GRB10: variants seen among roughly 807,000 people sequenced by gnomAD.
GRB10 encodes the protein growth factor receptor-bound protein 10.
GRB10 carries 20 observed loss-of-function variants against 80.9 expected under a neutral mutation model. The observed-to-expected ratio is 0.25, with a 90% CI of 0.17 to 0.36. The LOEUF is 0.36. Ranked by LOEUF, GRB10 falls within the 10% of genes least tolerant of loss-of-function variation. The pLI is 1.00. For synonymous variants in GRB10, 291 were observed against 291.5 expected (o/e 1.00, Z 0.02); for missense variants, 548 against 747.7 (o/e 0.73, Z 3.12).
At chr7:50,627,147 TCCTC>T (rs2153591676) in intron 7 of GRB10, among the ~76,000 whole-genome samples, 169 bp from the exon 8 acceptor site, 1 of 152,196 alleles carries the variant, frequency 6.6e-6, no homozygotes, top group African/African-American at 2.4e-5. Context: ...ATGTGACTCT[TCCTC>T]CCTATCTCCC....
rs375728658 is a variant in GRB10, at chr7:50,710,627, G to A, written c.52-6719C>T. On this transcript the variant is annotated intron_variant, in intron 4 of 18. Coordinates refer to ENST00000401949, the MANE Select transcript of GRB10 (RefSeq NM_001350814.2). The stretch of plus-strand genomic sequence containing the variant: ...AGAGGAGTGCCATCATCAGTGCGGC[G>A]GGCACTGCAGGTGACAAATGGAAGG... Among the ~76,000 whole-genome samples the A allele has an allele frequency of 7.2e-5, 11 of 152,186 alleles. No homozygotes were observed. In the East Asian group the frequency reaches 9.7e-4, roughly 13 times the overall value.
At chr7:50,739,468 T>C (rs534550446) in intron 3 of GRB10, among the ~76,000 whole-genome samples, 18 of 152,332 alleles carry the variant, frequency 1.2e-4, no homozygotes, top group African/African-American at 4.1e-4. Flanking sequence ...AGTAAGCAGA[T>C]GACCAAATGA....
chr7:50,626,024 T>C (rs576097841), intron 8 of GRB10, among the ~76,000 whole-genome samples: 201 of 152,352 alleles, frequency 1.3e-3, no homozygotes, highest in African/African-American at 4.6e-3. Flanking sequence ...AATATAGCTG[T>C]TGATTTAGAG....
At chr7:50,623,183 G>C (rs2299152) in intron 8 of GRB10, among the ~76,000 whole-genome samples, 12,624 of 152,152 alleles carry the variant, frequency 0.083, 798 homozygotes, top group South Asian at 0.13. Flanking sequence ...GCCTGGGTCA[G>C]GGACAGTGTT....
intron 1 of GRB10, among the ~76,000 whole-genome samples, chr7:50,790,457 TG>T (rs2078864074): frequency 6.6e-6 from 1 of 152,210 alleles, no homozygotes; most frequent in Admixed American, 6.5e-5. Context: ...ATTACTCAAA[TG>T]AAAGACAAGG....
At chr7:50,681,032 A>T (rs1207423955) in intron 5 of GRB10, among the ~76,000 whole-genome samples, 1 of 152,166 alleles carries the variant, frequency 6.6e-6, no homozygotes, top group Non-Finnish European at 1.5e-5. Context: ...GCTTTCATAA[A>T]ATCTGTCCTC....
chr7:50,630,201 A>T lies in GRB10; in HGVS notation c.505-3223T>A, dbSNP rs74722295. On this transcript the variant is annotated intron_variant, in intron 7 of 18. Coordinates refer to ENST00000401949, the MANE Select transcript of GRB10 (RefSeq NM_001350814.2). Reference sequence around the variant, plus strand: ...AAGCAAAACACTGCTTAATCAATGTATGGAAGTTCTACATTAGTTATGACC... The same window carrying T: ...AAGCAAAACACTGCTTAATCAATGTTTGGAAGTTCTACATTAGTTATGACC... Among the ~76,000 whole-genome samples the T allele has an allele frequency of 5.1e-4, 78 of 152,334 alleles. 2 individuals carry two copies. The East Asian group carries it at 0.014, about 28-fold the overall frequency.
At chr7:50,742,271 GCACACACA>G (rs55813195) in intron 3 of GRB10, among the ~76,000 whole-genome samples, 1,356 of 46,878 alleles carry the variant, frequency 0.029, 7 homozygotes, top group Non-Finnish European at 0.036. Flanking sequence ...ACGCGCGCGC[GCACACACA>G]CACACACACA....
At chr7:50,749,320 G>A (rs1439565787) in intron 3 of GRB10, among the ~76,000 whole-genome samples, 1 of 151,698 alleles carries the variant, frequency 6.6e-6, no homozygotes, top group Non-Finnish European at 1.5e-5. Context: ...GTAGAAACAG[G>A]GTTTCATCAT....
At chr7:50,785,111 G>A (rs1356068425), upstream of GRB10, among the ~76,000 whole-genome samples, 2 of 152,068 alleles carry the variant, frequency 1.3e-5, no homozygotes, top group African/African-American at 4.8e-5. Flanking sequence ...GCAGCTCCTG[G>A]AGCAGCACCT....
intron 3 of GRB10, among the ~76,000 whole-genome samples, chr7:50,750,079 A>G (rs1470094887): frequency 6.6e-6 from 1 of 152,224 alleles, no homozygotes; most frequent in African/African-American, 2.4e-5. Flanking sequence ...AGAAAAAAGG[A>G]GAACCTATTT....
chr7:50,720,511 G>A (rs2067547457), intron 4 of GRB10, among the ~76,000 whole-genome samples: 1 of 152,162 alleles, frequency 6.6e-6, no homozygotes, highest in Admixed American at 6.5e-5. Flanking sequence ...AAAAGGCCCA[G>A]AGAGCAGAGG....
At chr7:50,774,041 A>G (rs1477918742) in intron 2 of GRB10, among the ~76,000 whole-genome samples, 3 of 152,258 alleles carry the variant, frequency 2.0e-5, no homozygotes, top group Non-Finnish European at 4.4e-5. Flanking sequence ...GGAATGAAGT[A>G]CTAATGCATG....
intron 2 of GRB10, among the ~76,000 whole-genome samples, chr7:50,777,945 AC>A (rs1304063944): frequency 1.3e-5 from 2 of 152,164 alleles, no homozygotes; most frequent in Admixed American, 1.3e-4. Flanking sequence ...GGGAGGGAAA[AC>A]ATCAGGACAA....
intron 3 of GRB10, among the ~76,000 whole-genome samples, chr7:50,755,677 C>A (rs151338877): frequency 1.7e-4 from 26 of 152,240 alleles, no homozygotes; most frequent in Middle Eastern, 3.4e-3. Flanking sequence ...CCCGACTCAG[C>A]CCGGTGTTCC....
At chr7:50,692,981 A>C (rs1373724964) in intron 5 of GRB10, among the ~76,000 whole-genome samples, 1 of 152,202 alleles carries the variant, frequency 6.6e-6, no homozygotes. Context: ...GATGAGGAAG[A>C]TAAGACATGC....
At chr7:50,767,442 T>A (rs2153707702) in intron 2 of GRB10, among the ~76,000 whole-genome samples, 1 of 152,292 alleles carries the variant, frequency 6.6e-6, no homozygotes, top group East Asian at 1.9e-4. Flanking sequence ...TACGGCCTCT[T>A]GTCATCTGCC....
At chr7:50,769,213 TGAAA>T (rs1240063945) in intron 2 of GRB10, among the ~76,000 whole-genome samples, 3 of 152,316 alleles carry the variant, frequency 2.0e-5, no homozygotes, top group South Asian at 4.1e-4. Context: ...TTTGAGCCAT[TGAAA>T]GAGTCACAAC....
intron 7 of GRB10, among the ~76,000 whole-genome samples, chr7:50,635,925 C>T (rs1356639251): frequency 7.1e-6 from 1 of 140,760 alleles, no homozygotes; most frequent in Non-Finnish European, 1.5e-5. Flanking sequence ...AAGCCCAGGA[C>T]CAGATGGATC....
Sources: gnomAD v4.1 joint callset for allele counts (sites outside exome capture counted in the v4.1 genomes callset) on GRCh38, gnomAD v4.1.1 for gene constraint, MANE v1.5 for transcripts, NCBI Gene and HGNC (gene_info 2026-07-23, HGNC 2026-07-21) for gene names.